FAM13A: variants seen among roughly 807,000 people sequenced by gnomAD.
The protein encoded by FAM13A is family with sequence similarity 13 member A, also known as protein FAM13A.
FAM13A carries 76 observed loss-of-function variants against 129.6 expected under a neutral mutation model. That is an observed-to-expected ratio of 0.59 (90% CI 0.49 to 0.71). FAM13A has a LOEUF of 0.71. Among genes scored for constraint, FAM13A ranks in the 30% least tolerant of loss-of-function variants. The probability of loss-of-function intolerance (pLI) is 0.00; values close to 1 mark genes in which losing one functional copy is unlikely to be tolerated. For synonymous variants in FAM13A, 443 were observed against 449.9 expected, an observed-to-expected ratio of 0.98 and a Z score of 0.20; for missense variants, 1,108 against 1,249.3, an observed-to-expected ratio of 0.89 and a Z score of 1.70.
Position 88,734,663 on chromosome 4 carries a change from T to C in FAM13A, c.2647-2465A>G, listed in dbSNP as rs573536771. Among the ~76,000 whole-genome samples the C allele has an allele frequency of 5.9e-5, 9 of 152,320 alleles. No homozygotes were observed. In the South Asian group the frequency reaches 1.7e-3, roughly 28 times the overall value. On this transcript the variant is annotated intron_variant, in intron 21 of 23. Transcript: ENST00000264344. ...CATCGGGCAATGTCTGGAAACATTT[T>C]TGGCTGTCACGACTGGTGAAGGGGT...
At chr4:88,800,842 A>G (rs1459810763) in intron 8 of FAM13A, among the ~76,000 whole-genome samples, 1 of 152,182 alleles carries the variant, frequency 6.6e-6, no homozygotes, top group Non-Finnish European at 1.5e-5. Flanking sequence ...TACTTAAATA[A>G]ACAGCTTGCT....
intron 7 of FAM13A, among the ~76,000 whole-genome samples, chr4:88,831,279 C>T (rs1733847934): frequency 1.3e-5 from 2 of 152,192 alleles, no homozygotes. Flanking sequence ...TCATGTCCCA[C>T]ACAACAGCTG....
chr4:88,725,972 A>C lies in FAM13A; in HGVS notation c.*2561T>G, dbSNP rs1310865006. The C allele has an allele frequency of 1.4e-5, 2 of 146,578 alleles. No homozygotes were observed. Among genetic ancestry groups the C allele is most frequent in the Non-Finnish European group, 3.0e-5 (2 of 66,526 alleles). The allele number at this position is 146,578 out of a possible 1,614,324, so 9.1% of individuals were successfully genotyped here. ...GTACTTATGAAAATTATAAGTCTGC[A>C]CTCTTTAATTCTTAAGTTTACTTAC... On this transcript the variant is annotated 3_prime_UTR_variant, in exon 24 of 24. Transcript: ENST00000264344.
chr4:88,967,296 G>A (rs1759481186), intron 4 of FAM13A, among the ~76,000 whole-genome samples: 1 of 152,210 alleles, frequency 6.6e-6, no homozygotes, highest in South Asian at 2.1e-4. Context: ...TTGGTGCACA[G>A]TATGGTGAGA....
At chr4:89,005,686 T>G (rs1181199006) in intron 3 of FAM13A, among the ~76,000 whole-genome samples, 1 of 152,364 alleles carries the variant, frequency 6.6e-6, no homozygotes. Flanking sequence ...GCTTTTTTCA[T>G]ATGCTTATTG....
intron 23 of FAM13A, chr4:88,730,228 C>T (rs1027988929): frequency 4.6e-5 from 7 of 152,272 alleles, no homozygotes; most frequent in East Asian, 3.9e-4. Context: ...AAACCTAACT[C>T]CAATGTAAGA....
intron 5 of FAM13A, among the ~76,000 whole-genome samples, chr4:88,929,588 CT>C (rs1322453119): frequency 6.6e-6 from 1 of 150,524 alleles, no homozygotes; most frequent in Non-Finnish European, 1.5e-5. Flanking sequence ...TCTTTTTTTC[CT>C]TTTTTTTTCT....
At chr4:88,775,109 T>C (rs935721488) in intron 11 of FAM13A, among the ~76,000 whole-genome samples, 2 of 152,114 alleles carry the variant, frequency 1.3e-5, no homozygotes, top group Non-Finnish European at 2.9e-5. Context: ...AAGCATGATT[T>C]ATGGGAGCTT....
At chr4:88,986,070 G>C (rs1762207398) in intron 4 of FAM13A, among the ~76,000 whole-genome samples, 1 of 151,184 alleles carries the variant, frequency 6.6e-6, no homozygotes, top group Non-Finnish European at 1.5e-5. Flanking sequence ...AGGTTGAACA[G>C]TATAGAAAGA....
chr4:88,745,817 G>A (rs1039371683), intron 19 of FAM13A, among the ~76,000 whole-genome samples: 1 of 151,490 alleles, frequency 6.6e-6, no homozygotes, highest in Non-Finnish European at 1.5e-5. Flanking sequence ...TTCCACTGCA[G>A]GGACAGGCCA....
At chr4:88,788,073 G>A in intron 9 of FAM13A, 141 bp from the exon 10 acceptor site, 2 of 573,572 alleles carry the variant, frequency 3.5e-6, no homozygotes, top group East Asian at 3.1e-5. Context: ...GAGATGATGA[G>A]GCATTAATCT....
At chr4:88,843,743 A>T (rs1736205476) in intron 7 of FAM13A, among the ~76,000 whole-genome samples, 1 of 152,264 alleles carries the variant, frequency 6.6e-6, no homozygotes, top group South Asian at 2.1e-4. Flanking sequence ...CAAGTGTCAC[A>T]AGGCACAAAC....
Position 88,938,249 on chromosome 4 carries a change from C to T in FAM13A, c.606-8G>A. 2.5e-6 allele frequency: 4 copies of T among 1,594,418 alleles called. No individual in the cohort carries two copies. The South Asian group carries it at 4.6e-5, about 18-fold the overall frequency. ...TCAAGCCCAGGTGGCACACTAGAAACAAGAAAGGGAAAGAGAGGAATTACT... is the reference window on the plus strand; with the variant it reads ...TCAAGCCCAGGTGGCACACTAGAAATAAGAAAGGGAAAGAGAGGAATTACT... On this transcript the variant is annotated splice_region_variant and splice_polypyrimidine_tract_variant and intron_variant, in intron 4 of 23. Coordinates refer to ENST00000264344, the MANE Select transcript of FAM13A (RefSeq NM_014883.4).
chr4:88,749,052 G>A lies in FAM13A; in HGVS notation c.2080-19C>T, dbSNP rs1741991354. On this transcript the variant is annotated intron_variant, in intron 16 of 23. Coordinates refer to ENST00000264344, the MANE Select transcript of FAM13A (RefSeq NM_014883.4). ...GGGAAGGCTGAGAAAAGGAAGTCTA[G>A]AGTAAATGCTTTGGAACTGGAGCAG... 1 of 1,576,628 alleles carries A rather than the reference G, an allele frequency of 6.3e-7. No homozygotes were observed. The highest frequency in any genetic ancestry group is 1.4e-5 in the African/African-American group (1 of 73,584).
intron 7 of FAM13A, among the ~76,000 whole-genome samples, chr4:88,827,089 C>T (rs1733132797): frequency 1.3e-5 from 2 of 152,184 alleles, no homozygotes; most frequent in African/African-American, 4.8e-5. Flanking sequence ...GGACTTCGAC[C>T]TTTACCACTT....
At chr4:88,734,128 A>G (rs552345490) in intron 21 of FAM13A, among the ~76,000 whole-genome samples, 2 of 145,464 alleles carry the variant, frequency 1.4e-5, no homozygotes, top group South Asian at 4.4e-4. Context: ...TCAGTGATCA[A>G]CTGATGAGAC....
In FAM13A at chr4:88,727,553, T is replaced by TA. The variant is rs1292599804; in HGVS notation, c.*979dup. 2 of 152,548 alleles carry TA rather than the reference T, an allele frequency of 1.3e-5. No homozygotes were observed. The highest frequency in any genetic ancestry group is 4.8e-5 in the African/African-American group (2 of 41,408). 9.4% of individuals were successfully genotyped at this position (152,548 alleles called of 1,614,324 possible). On this transcript the variant is annotated 3_prime_UTR_variant, in exon 24 of 24. Transcript: ENST00000264344. ...TAGTGCAGATTTTTTTTAAAAAAATTAAACTCTGGTAAGTACTCAGGAGGC... is the reference window on the plus strand; with the variant it reads ...TAGTGCAGATTTTTTTTAAAAAAATTAAAACTCTGGTAAGTACTCAGGAGGC...
chr4:88,822,946 G>A, intron 7 of FAM13A: 2 of 1,609,474 alleles, frequency 1.2e-6, no homozygotes, highest in African/African-American at 2.7e-5. Flanking sequence ...AAAATACATA[G>A]CAGAATAAAA....
intron 1 of FAM13A, among the ~76,000 whole-genome samples, chr4:89,054,402 A>G (rs1005071054): frequency 8.5e-5 from 13 of 152,134 alleles, no homozygotes; most frequent in Admixed American, 8.5e-4. Context: ...TAGTTGCTAC[A>G]TATATGTATA....
Sources: gnomAD v4.1 joint callset for allele counts (sites outside exome capture counted in the v4.1 genomes callset) on GRCh38, gnomAD v4.1.1 for gene constraint, MANE v1.5 for transcripts, NCBI Gene and HGNC (gene_info 2026-07-23, HGNC 2026-07-21) for gene names.